ELK3: variants seen among roughly 807,000 people sequenced by gnomAD.
ELK3 encodes ETS domain-containing protein Elk-3.
ELK3 carries 10 observed loss-of-function variants against 28.9 expected under a neutral mutation model. The ratio of observed to expected loss-of-function variants is 0.35; its 90% CI spans 0.21 to 0.59. The LOEUF (loss-of-function observed/expected upper bound fraction) is 0.59, where lower values mean the gene tolerates loss of function less well. Ranked by LOEUF, ELK3 falls within the 20% of genes least tolerant of loss-of-function variation. The pLI is 0.82. For synonymous variants in ELK3, 272 were observed against 243.5 expected, an observed-to-expected ratio of 1.12 and a Z score of -1.09; for missense variants, 463 against 517.3, an observed-to-expected ratio of 0.90 and a Z score of 1.02.
At chr12:96,236,301 G>T (rs1951782997) in intron 2 of ELK3, among the ~76,000 whole-genome samples, 1 of 152,192 alleles carries the variant, frequency 6.6e-6, no homozygotes, top group Non-Finnish European at 1.5e-5. Context: ...TCCCGGGTTG[G>T]GGTGTCCTGC....
At chr12:96,237,409 G>T (rs1364312148) in intron 2 of ELK3, among the ~76,000 whole-genome samples, 1 of 140,012 alleles carries the variant, frequency 7.1e-6, no homozygotes, top group Non-Finnish European at 1.7e-5. Flanking sequence ...GGTGTGAGGT[G>T]AGCCTGCCCC....
intron 1 of ELK3, among the ~76,000 whole-genome samples, chr12:96,201,277 A>T (rs948946997): frequency 6.6e-6 from 1 of 152,130 alleles, no homozygotes; most frequent in South Asian, 2.1e-4. Context: ...GGATGAGAGG[A>T]TATTAGTAAA....
At chr12:96,194,982 C>T (rs1477565614) in intron 1 of ELK3, among the ~76,000 whole-genome samples, 1 of 151,200 alleles carries the variant, frequency 6.6e-6, no homozygotes, top group Non-Finnish European at 1.5e-5. Flanking sequence ...CCGCGGCTCC[C>T]CTCCCTGGGG....
chr12:96,245,067 T>C (rs545050718), intron 2 of ELK3, among the ~76,000 whole-genome samples: 30 of 152,180 alleles, frequency 2.0e-4, no homozygotes, highest in African/African-American at 7.0e-4. Flanking sequence ...TTGACTCTAA[T>C]CTAAGGTGCC....
At chr12:96,202,350 A>G (rs75259387) in intron 1 of ELK3, among the ~76,000 whole-genome samples, 1 of 151,990 alleles carries the variant, frequency 6.6e-6, no homozygotes, top group East Asian at 1.9e-4. Context: ...GTCAATACTG[A>G]CAGAATTTTC....
chr12:96,219,655 A>G (rs537731684), intron 1 of ELK3, among the ~76,000 whole-genome samples: 1 of 152,290 alleles, frequency 6.6e-6, no homozygotes, highest in East Asian at 1.9e-4. Flanking sequence ...CATCATGCAG[A>G]TGGCTCTGGC....
chr12:96,226,447 C>A (rs1299966768), intron 2 of ELK3, among the ~76,000 whole-genome samples: 1 of 152,098 alleles, frequency 6.6e-6, no homozygotes, highest in Admixed American at 6.5e-5. Flanking sequence ...CATGCACACA[C>A]ACACACAAGT....
intron 1 of ELK3, among the ~76,000 whole-genome samples, chr12:96,210,723 A>G (rs1951572746): frequency 6.6e-6 from 1 of 152,204 alleles, no homozygotes; most frequent in Non-Finnish European, 1.5e-5. Flanking sequence ...AAACCACGAT[A>G]CAGATCTTTG....
intron 1 of ELK3, among the ~76,000 whole-genome samples, chr12:96,207,458 G>GT (rs1951545102): frequency 6.6e-6 from 1 of 152,188 alleles, no homozygotes; most frequent in African/African-American, 2.4e-5. Flanking sequence ...CAGAGTCACT[G>GT]TTTTTTATAG....
At chr12:96,259,327 A>T (rs1951975840) in intron 3 of ELK3, among the ~76,000 whole-genome samples, 1 of 152,226 alleles carries the variant, frequency 6.6e-6, no homozygotes, top group Middle Eastern at 3.4e-3. Context: ...TGAGGTGGGC[A>T]GATCACTTGA....
At chr12:96,239,388 C>T (rs1191665439) in intron 2 of ELK3, among the ~76,000 whole-genome samples, 2 of 152,062 alleles carry the variant, frequency 1.3e-5, no homozygotes, top group Admixed American at 1.3e-4. Flanking sequence ...GAAGTAGCTA[C>T]GTGGTATTCC....
chr12:96,198,814 C>G (rs754883409), intron 1 of ELK3, among the ~76,000 whole-genome samples: 1 of 152,078 alleles, frequency 6.6e-6, no homozygotes, highest in Non-Finnish European at 1.5e-5. Context: ...ATGCACATAC[C>G]ATTTTTAATT....
At chr12:96,221,185 C>T (rs981521154) in intron 1 of ELK3, among the ~76,000 whole-genome samples, 1 of 152,240 alleles carries the variant, frequency 6.6e-6, no homozygotes. Context: ...GAACATTTAA[C>T]AAGTCTGCCA....
chr12:96,267,137 C>G lies in ELK3; in HGVS notation c.1181C>G (p.Ala394Gly). 1.9e-6 allele frequency: 3 copies of G among 1,613,584 alleles called. No homozygotes were observed. Among genetic ancestry groups the G allele is most frequent in the Non-Finnish European group, 2.5e-6 (3 of 1,179,782 alleles). ...MPVPIPSLDRAASPVLLSSNS... is the reference protein window; with the variant it reads ...MPVPIPSLDRGASPVLLSSNS... Reference sequence around the variant, plus strand: ...GTGCCAATCCCCAGTCTGGACAGAGCTGCTTCTCCAGTACTGCTTTCTTCA... The same window carrying G: ...GTGCCAATCCCCAGTCTGGACAGAGGTGCTTCTCCAGTACTGCTTTCTTCA... Residue 394 changes from alanine to glycine, a missense_variant, in exon 5 of 5, where the codon GCT becomes GGT. Transcript: ENST00000228741.
At chr12:96,208,095 A>T (rs751627220) in intron 1 of ELK3, among the ~76,000 whole-genome samples, 10 of 151,886 alleles carry the variant, frequency 6.6e-5, no homozygotes, top group Non-Finnish European at 1.3e-4. Context: ...CTCTGTTGCC[A>T]TGTTGGAGTG....
chr12:96,202,104 A>G (rs927110124), intron 1 of ELK3, among the ~76,000 whole-genome samples: 4 of 152,146 alleles, frequency 2.6e-5, no homozygotes, highest in African/African-American at 7.2e-5. Flanking sequence ...GAGGGTTCTT[A>G]CATTCCTCTG....
At chr12:96,198,999 T>A (rs1467074532) in intron 1 of ELK3, among the ~76,000 whole-genome samples, 1 of 152,220 alleles carries the variant, frequency 6.6e-6, no homozygotes, top group Non-Finnish European at 1.5e-5. Flanking sequence ...CAGTGTTTTT[T>A]GTCCTCTGTG....
intron 3 of ELK3, among the ~76,000 whole-genome samples, chr12:96,257,299 G>T (rs1462654543): frequency 2.6e-5 from 4 of 152,228 alleles, no homozygotes; most frequent in Non-Finnish European, 5.9e-5. Flanking sequence ...GAACTTCAGG[G>T]ATAGAAGGGA....
intron 2 of ELK3, among the ~76,000 whole-genome samples, chr12:96,225,929 C>T (rs1161015420): frequency 1.1e-4 from 17 of 152,034 alleles, no homozygotes; most frequent in Non-Finnish European, 2.4e-4. Context: ...GTCCAGGAGT[C>T]TGAGACCAGC....
Sources: allele counts gnomAD v4.1 joint callset (sites outside exome capture counted in the v4.1 genomes callset), GRCh38; gene constraint gnomAD v4.1.1; transcripts MANE v1.5; gene names NCBI Gene and HGNC (gene_info 2026-07-23, HGNC 2026-07-21).